ATG12: variants seen among roughly 807,000 people sequenced by gnomAD.
The protein encoded by ATG12 is ubiquitin-like protein ATG12.
A neutral mutation model predicts 17.6 loss-of-function variants in ATG12; 19 were observed. That is an observed-to-expected ratio of 1.08 (90% confidence interval 0.75 to 1.58). The LOEUF is 1.58. ATG12 is among the 40% of genes most tolerant of loss of function. ATG12 has a pLI of 0.00. For synonymous variants in ATG12, 75 were observed against 62.4 expected (o/e 1.20, Z -0.95); for missense variants, 214 against 162.0 (o/e 1.32, Z -1.74).
chr5:115,841,518 G>A lies in ATG12; in HGVS notation c.35C>T (p.Pro12Leu), dbSNP rs535376486. ...TTCCCCTCCAGCAGCAATTGAAGTA[G>A]GAAGCTGCAACACAGACTGCGGCTC... is the stretch of plus-strand genomic sequence containing the variant. ...AEEPQSVLQLPTSIAAGGEGL... is the reference protein window; with the variant it reads ...AEEPQSVLQLLTSIAAGGEGL... The change falls in exon 1 of 4, where the codon CCT (proline) becomes CTT (leucine). Residue 12 changes from proline (P) to leucine (L), a missense_variant. Physicochemically the swap from Pro to Leu is moderately conservative, Grantham distance 98. Coordinates refer to ENST00000509910, the MANE Select transcript of ATG12 (RefSeq NM_004707.4). 2.5e-6 allele frequency: 4 copies of A among 1,612,862 alleles called. No individual in the cohort carries two copies. Among genetic ancestry groups the A allele is most frequent in the Admixed American group, 3.4e-5 (2 of 59,612 alleles).
chr5:115,830,675 T>C lies in ATG12; in HGVS notation c.*1129A>G, dbSNP rs1470702945. 6.6e-6 allele frequency: 1 copy of C among 152,106 alleles called. No individual in the cohort carries two copies. Among genetic ancestry groups the C allele is most frequent in the Non-Finnish European group, 1.5e-5 (1 of 68,024 alleles). The allele number at this position is 152,106 out of a possible 1,614,324, so 9.4% of individuals were successfully genotyped here. A position where few individuals can be genotyped will look rare whatever the true frequency, so the allele number is the denominator to read the frequency against. The stretch of plus-strand genomic sequence containing the variant: ...CTCTTGCCTCTGCAGCCTAATAATT[T>C]TTTTTTAATTTTTATTTTTTTGTAG... On this transcript the variant is annotated 3_prime_UTR_variant, in exon 4 of 4. Coordinates refer to ENST00000509910, the MANE Select transcript of ATG12 (RefSeq NM_004707.4).
Position 115,831,723 on chromosome 5 carries a change from C to T in ATG12, c.*81G>A. ...TAGATCACATCTGTTAAGTCTCTTG[C>T]CACAAGCATCAAAACTTTTCAGAGC... On this transcript the variant is annotated 3_prime_UTR_variant, in exon 4 of 4. Transcript: ENST00000509910. The T allele has an allele frequency of 7.5e-7, 1 of 1,334,392 alleles. No individual in the cohort carries two copies. The highest frequency in any genetic ancestry group is 1.8e-5 in the Admixed American group (1 of 54,102). 82.7% of individuals were successfully genotyped at this position (1,334,392 alleles called of 1,614,324 possible).
At chr5:115,841,103 C>A in intron 1 of ATG12, 1 of 357,644 alleles carries the variant, frequency 2.8e-6, no homozygotes, top group Non-Finnish European at 5.2e-6. Context: ...ACTCAGCTCC[C>A]TCCCTCCTTC....
rs1760813430 is a variant in ATG12, at chr5:115,830,264, A to G, written c.*1540T>C. ...GTTATTTAGGTCAAAAAGAATAACT[A>G]AATGGATGCTACAAATTTCAACCAG... On this transcript the variant is annotated 3_prime_UTR_variant, in exon 4 of 4. Coordinates refer to ENST00000509910, the MANE Select transcript of ATG12 (RefSeq NM_004707.4). 7.2e-6 allele frequency: 1 copy of G among 139,632 alleles called. No individual in the cohort carries two copies. Among genetic ancestry groups the G allele is most frequent in the African/African-American group, 3.0e-5 (1 of 33,254 alleles). 8.6% of individuals were successfully genotyped at this position (139,632 alleles called of 1,614,324 possible). A position where few individuals can be genotyped will look rare whatever the true frequency, so the allele number is the denominator to read the frequency against.
In ATG12 at chr5:115,830,744, T is replaced by C. The variant is rs1373737100; in HGVS notation, c.*1060A>G. ...GCTAACCAGGCTGGTCTCAAACTTG[T>C]GGCTTCACGCAATCCCCACACCTCA... On this transcript the variant is annotated 3_prime_UTR_variant, in exon 4 of 4. Transcript: ENST00000509910. 2 of 152,156 alleles carry C rather than the reference T, an allele frequency of 1.3e-5. No homozygotes were observed. The highest frequency in any genetic ancestry group is 2.9e-5 in the Non-Finnish European group (2 of 68,034). 9.4% of individuals were successfully genotyped at this position (152,156 alleles called of 1,614,324 possible). A position where few individuals can be genotyped will look rare whatever the true frequency, so the allele number is the denominator to read the frequency against.
At position 115,828,329 on chromosome 5, in the gene ATG12, A is replaced by T. The variant is rs1326582200; in HGVS notation, c.*3475T>A. ...CGTTTCAAGGTTTTTGATATTGCCA[A>T]ATGGCCCCCTAAAAGTGATATACCA... On this transcript the variant is annotated 3_prime_UTR_variant, in exon 4 of 4. Transcript: ENST00000509910. The T allele has an allele frequency of 6.6e-6, 1 of 152,194 alleles. No homozygotes were observed. Among genetic ancestry groups the T allele is most frequent in the Non-Finnish European group, 1.5e-5 (1 of 68,016 alleles). The allele number at this position is 152,194 out of a possible 1,614,324, so 9.4% of individuals were successfully genotyped here.
In ATG12 at chr5:115,830,515, A is replaced by G. The variant is rs1272418397; in HGVS notation, c.*1289T>C. The G allele has an allele frequency of 6.6e-6, 1 of 152,048 alleles. No individual in the cohort carries two copies. The highest frequency in any genetic ancestry group is 2.4e-5 in the African/African-American group (1 of 41,402). 9.4% of individuals were successfully genotyped at this position (152,048 alleles called of 1,614,324 possible). A position where few individuals can be genotyped will look rare whatever the true frequency, so the allele number is the denominator to read the frequency against. On this transcript the variant is annotated 3_prime_UTR_variant, in exon 4 of 4. Coordinates refer to ENST00000509910, the MANE Select transcript of ATG12 (RefSeq NM_004707.4). ...ATCTTAGATCCTGTTTTGAAATTCCATTCACATTACATTCGATTTACTAGA... is the reference window on the plus strand; with the variant it reads ...ATCTTAGATCCTGTTTTGAAATTCCGTTCACATTACATTCGATTTACTAGA...
chr5:115,834,898 T>C (rs908163317), intron 2 of ATG12: 7 of 152,226 alleles, frequency 4.6e-5, no homozygotes, highest in East Asian at 1.9e-4. Context: ...TTTTTCAATA[T>C]GTAGTTTCAA....
At chr5:115,836,747 C>G (rs1761119347) in intron 2 of ATG12, among the ~76,000 whole-genome samples, 1 of 152,124 alleles carries the variant, frequency 6.6e-6, no homozygotes, top group African/African-American at 2.4e-5. Context: ...AGATTGTGAT[C>G]TATTTGCAGA....
In ATG12 at chr5:115,831,810, C is replaced by T; in HGVS notation, c.417G>A (p.Trp139Ter). Residue 139 changes from tryptophan (W) to a stop codon, truncating the protein, a stop_gained, in exon 4 of 4, where the codon TGG (tryptophan) becomes TGA (stop). Coordinates refer to ENST00000509910, the MANE Select transcript of ATG12 (RefSeq NM_004707.4). LOFTEE classifies it high-confidence loss of function. Reference protein sequence around the residue: ...LVLHYCKSQAWG With the variant: ...LVLHYCKSQA ...AGTTGATTTTCTTTGTGGTTCATCC[C>T]CACGCCTGAGACTTGCAGTAATGTA... The T allele has an allele frequency of 1.2e-6, 2 of 1,612,290 alleles. No homozygotes were observed. Among genetic ancestry groups the T allele is most frequent in the Non-Finnish European group, 8.5e-7 (1 of 1,179,444 alleles).
rs568861348 is a variant in ATG12 at position 115,831,425 on chromosome 5, A to T, written c.*379T>A. The T allele has an allele frequency of 4.6e-6, 1 of 218,556 alleles. No homozygotes were observed. The highest frequency in any genetic ancestry group is 9.0e-6 in the Non-Finnish European group (1 of 111,074). The allele number at this position is 218,556 out of a possible 1,614,324, so 13.5% of individuals were successfully genotyped here. ...ACATAGAGATAAATGTAAACATTAA[A>T]AAAAAAGGAACCCTTTAGTATATTA... On this transcript the variant is annotated 3_prime_UTR_variant, in exon 4 of 4. Transcript: ENST00000509910.
chr5:115,841,246 G>C (rs1295536359), intron 1 of ATG12, 144 bp downstream of exon 1: 1 of 1,122,536 alleles, frequency 8.9e-7, no homozygotes, highest in African/African-American at 1.6e-5. Flanking sequence ...AAATCAAAAA[G>C]TACACTTCTT....
chr5:115,837,806 C>A, intron 1 of ATG12, 42 bp from the exon 2 acceptor site: 2 of 1,518,332 alleles, frequency 1.3e-6, no homozygotes, highest in Non-Finnish European at 1.8e-6. Flanking sequence ...TACACTGAAA[C>A]ATCTAAAGAG....
At chr5:115,840,721 T>C in intron 1 of ATG12, 1 of 1,190,182 alleles carries the variant, frequency 8.4e-7, no homozygotes, top group Non-Finnish European at 1.1e-6. Context: ...ACAGAGTGCT[T>C]TAGAACACGT....
intron 2 of ATG12, among the ~76,000 whole-genome samples, chr5:115,836,280 A>G (rs1761095400): frequency 1.3e-5 from 2 of 152,210 alleles, no homozygotes; most frequent in African/African-American, 4.8e-5. Context: ...TACTGAATGA[A>G]TACAGGCAAT....
At chr5:115,832,297 T>C (rs559051538) in intron 3 of ATG12, among the ~76,000 whole-genome samples, 163 of 152,246 alleles carry the variant, frequency 1.1e-3, no homozygotes, top group Non-Finnish European at 1.9e-3. Flanking sequence ...AGAAATCAAA[T>C]GTAGATAAAG....
rs1223293959 is a variant in ATG12 at position 115,840,696 on chromosome 5, CAACTCT to C, written c.163+688_163+693del. The C allele has an allele frequency of 5.0e-6, 6 of 1,198,326 alleles. No individual in the cohort carries two copies. The African/African-American group carries it at 8.0e-5, about 16-fold the overall frequency. The allele number at this position is 1,198,326 out of a possible 1,614,324, so 74.2% of individuals were successfully genotyped here. On this transcript the variant is annotated intron_variant, in intron 1 of 3. Coordinates refer to ENST00000509910, the MANE Select transcript of ATG12 (RefSeq NM_004707.4). ...GCTTATATGCTGCTTTTCCCATAGG[CAACTCT>C]AACTCTAAACAGAGTGCTTTAGAAC...
intron 2 of ATG12, chr5:115,832,899 T>TA (rs1760946754): frequency 2.7e-6 from 1 of 377,106 alleles, no homozygotes; most frequent in Non-Finnish European, 4.8e-6. Context: ...TTCCTAACTT[T>TA]GTATAACTAA....
At chr5:115,837,170 C>T (rs1461197769) in intron 2 of ATG12, among the ~76,000 whole-genome samples, 1 of 152,188 alleles carries the variant, frequency 6.6e-6, no homozygotes, top group East Asian at 1.9e-4. Context: ...AACTGGTTCA[C>T]ATTGTAAAAC....
Sources: allele counts gnomAD v4.1 joint callset (sites outside exome capture counted in the v4.1 genomes callset), GRCh38; gene constraint gnomAD v4.1.1; transcripts MANE v1.5; gene names NCBI Gene and HGNC (gene_info 2026-07-23, HGNC 2026-07-21).